TTC27: variants seen among roughly 807,000 people sequenced by gnomAD.
TTC27 encodes tetratricopeptide repeat protein 27.
TTC27 carries 79 observed loss-of-function variants against 115.9 expected under a neutral mutation model. The observed-to-expected ratio is 0.68, with a 90% CI of 0.57 to 0.82. The LOEUF (loss-of-function observed/expected upper bound fraction) is 0.82. Among genes scored for constraint, TTC27 ranks in the 40% least tolerant of loss-of-function variants. TTC27 has a pLI of 0.00. For missense variants in TTC27, 1,054 were observed against 993.1 expected (o/e 1.06, Z -0.82); for synonymous variants, 401 against 356.0 (o/e 1.13, Z -1.42).
At chr2:32,692,034 A>AG (rs1340199340) in intron 9 of TTC27, among the ~76,000 whole-genome samples, 1 of 45,874 alleles carries the variant, frequency 2.2e-5, no homozygotes, top group East Asian at 9.1e-4. Context: ...TTAATTTTTT[A>AG]GGTTTTTTTT....
intron 10 of TTC27, among the ~76,000 whole-genome samples, chr2:32,728,396 G>A (rs1668183206): frequency 6.6e-6 from 1 of 152,104 alleles, no homozygotes; most frequent in South Asian, 2.1e-4. Context: ...AGAGGATCTA[G>A]GTTCTCCCAT....
intron 13 of TTC27, among the ~76,000 whole-genome samples, chr2:32,758,771 C>G (rs531197186): frequency 6.6e-6 from 1 of 151,878 alleles, no homozygotes; most frequent in African/African-American, 2.4e-5. Flanking sequence ...CCTTATCTGT[C>G]CTTAACTGAC....
chr2:32,706,641 T>A (rs1223474188), intron 10 of TTC27, among the ~76,000 whole-genome samples: 1 of 152,032 alleles, frequency 6.6e-6, no homozygotes, highest in Non-Finnish European at 1.5e-5. Context: ...CTTGGCTCAC[T>A]GCAACCTCTG....
At chr2:32,755,547 C>T (rs886340864) in intron 12 of TTC27, among the ~76,000 whole-genome samples, 21 of 151,796 alleles carry the variant, frequency 1.4e-4, no homozygotes, top group East Asian at 7.8e-4. Context: ...AGTCCAGCTT[C>T]GGCTCGGCAT....
chr2:32,815,223 A>ATTTTTTTTTT lies in TTC27; in HGVS notation c.2309-2212_2309-2203dup, dbSNP rs533493768. ...CATAGAGGAGGCACTGCTGCTTCAG[A>ATTTTTTTTTT]TTTTTTTTTTTTTTTTTTTTTTTTT... is the stretch of plus-strand genomic sequence containing the variant. On this transcript the variant is annotated intron_variant, in intron 18 of 19. Transcript: ENST00000317907. 3.8e-3 allele frequency among the ~76,000 whole-genome samples: 213 copies of ATTTTTTTTTT among 55,514 alleles called. 41 individuals are homozygous for ATTTTTTTTTT. Among genetic ancestry groups the ATTTTTTTTTT allele is most frequent in the African/African-American group, 9.8e-3 (105 of 10,722 alleles). The allele number at this position is 55,514 out of a possible 152,430, so 36.4% of individuals were successfully genotyped here.
chr2:32,682,534 C>A (rs1666466850), intron 9 of TTC27, among the ~76,000 whole-genome samples: 1 of 152,148 alleles, frequency 6.6e-6, no homozygotes, highest in African/African-American at 2.4e-5. Context: ...AGGAAAGAAA[C>A]AGCATGGGTT....
At chr2:32,636,197 A>G (rs892214481) in intron 3 of TTC27, among the ~76,000 whole-genome samples, 1 of 152,056 alleles carries the variant, frequency 6.6e-6, no homozygotes, top group African/African-American at 2.4e-5. Flanking sequence ...TGTGGTTTGA[A>G]TGGTACTTAA....
At chr2:32,708,301 C>CTTTTTT (rs1159740039) in intron 10 of TTC27, among the ~76,000 whole-genome samples, 2 of 80,308 alleles carry the variant, frequency 2.5e-5, no homozygotes, top group Non-Finnish European at 5.0e-5. Context: ...TTTTCTCTAC[C>CTTTTTT]TTGTTTTTTT....
At position 32,817,536 on chromosome 2, in the gene TTC27, G is replaced by C. The variant is rs79079643; in HGVS notation, c.2388G>C (p.Arg796=). ...QMLSSVRLNL[R]GLLSKAKQLF... ...TTTCTTCTGTTCGACTCAATTTACG[G>C]GGCTTGTTATCTAAAGCAAAGGTGA... The change falls in exon 19 of 20, where the codon CGG becomes CGC. Residue 796 remains arginine (R), a synonymous_variant. Transcript: ENST00000317907. 3,647 of 1,613,942 alleles carry C rather than the reference G, an allele frequency of 2.3e-3. 85 individuals are homozygous for C. The African/African-American group carries it at 0.043, about 19-fold the overall frequency.
chr2:32,634,890 T>C (rs533122224), intron 3 of TTC27, among the ~76,000 whole-genome samples: 3 of 149,482 alleles, frequency 2.0e-5, no homozygotes, highest in Admixed American at 6.6e-5. Flanking sequence ...CTCCTGACCT[T>C]AAGTGATCCT....
At chr2:32,744,242 T>C (rs1215193808) in intron 12 of TTC27, among the ~76,000 whole-genome samples, 4 of 152,256 alleles carry the variant, frequency 2.6e-5, no homozygotes, top group African/African-American at 9.6e-5. Context: ...GTATCTTGCA[T>C]AGATTCCTTT....
At chr2:32,798,713 A>AAAAAAATAATAAT (rs1368512271) in intron 16 of TTC27, among the ~76,000 whole-genome samples, 38 of 142,340 alleles carry the variant, frequency 2.7e-4, no homozygotes, top group African/African-American at 1.0e-3. Context: ...TCAAAAAAAA[A>AAAAAAATAATAAT]AATAATAATA....
chr2:32,798,102 T>TAAA (rs143563889), intron 16 of TTC27, among the ~76,000 whole-genome samples: 158 of 146,392 alleles, frequency 1.1e-3, no homozygotes, highest in African/African-American at 1.5e-3. Flanking sequence ...GAAAAAAAAT[T>TAAA]AAAAAAAAAA....
At chr2:32,701,311 C>T (rs991566295) in intron 9 of TTC27, among the ~76,000 whole-genome samples, 2 of 152,208 alleles carry the variant, frequency 1.3e-5, no homozygotes, top group Non-Finnish European at 2.9e-5. Context: ...TTTTACATTA[C>T]TCTACTTTCT....
chr2:32,704,139 A>G (rs1386396345), intron 10 of TTC27, among the ~76,000 whole-genome samples: 1 of 152,140 alleles, frequency 6.6e-6, no homozygotes, highest in Non-Finnish European at 1.5e-5. Flanking sequence ...TTCAACATAT[A>G]TATTTTGGAG....
At chr2:32,654,365 G>A (rs948018912) in intron 5 of TTC27, among the ~76,000 whole-genome samples, 8 of 151,894 alleles carry the variant, frequency 5.3e-5, no homozygotes, top group African/African-American at 1.9e-4. Flanking sequence ...GCCAAAGATG[G>A]TATAGTAGTG....
chr2:32,696,665 G>C (rs1347545582), intron 9 of TTC27, among the ~76,000 whole-genome samples: 2 of 152,094 alleles, frequency 1.3e-5, no homozygotes, highest in Non-Finnish European at 2.9e-5. Context: ...TGTGTATAAT[G>C]CTGCCATGAA....
intron 12 of TTC27, 104 bp from the exon 13 acceptor site, chr2:32,758,188 A>C: frequency 9.6e-7 from 1 of 1,042,494 alleles, no homozygotes; most frequent in Non-Finnish European, 1.4e-6. Context: ...TCAAACGTTG[A>C]AAATAAAAAT....
At chr2:32,636,037 A>G (rs1664411355) in intron 3 of TTC27, among the ~76,000 whole-genome samples, 1 of 152,178 alleles carries the variant, frequency 6.6e-6, no homozygotes, top group South Asian at 2.1e-4. Flanking sequence ...AGTTAAAGAG[A>G]TAAGCTTCAG....
Sources: allele counts gnomAD v4.1 joint callset (sites outside exome capture counted in the v4.1 genomes callset), GRCh38; gene constraint gnomAD v4.1.1; transcripts MANE v1.5; gene names NCBI Gene and HGNC (gene_info 2026-07-23, HGNC 2026-07-21).